Variants in CLSTN2 observed in about 807,000 individuals in gnomAD.
CLSTN2 encodes calsyntenin 2, also known as calsyntenin-2.
Under a neutral mutation model 101.2 loss-of-function variants are expected in CLSTN2, and 48 were observed. The ratio of observed to expected loss-of-function variants is 0.47; its 90% CI spans 0.38 to 0.60. The LOEUF is 0.60. CLSTN2 is among the 20% of genes least tolerant of loss of function. The pLI, the probability that CLSTN2 is intolerant of heterozygous loss-of-function variation, is 0.00. For synonymous variants in CLSTN2, 481 were observed against 463.6 expected (o/e 1.04, Z -0.48); for missense variants, 1,160 against 1,238.2 (o/e 0.94, Z 0.95).
chr3:140,291,396 C>A (rs1302616582), intron 2 of CLSTN2, among the ~76,000 whole-genome samples: 1 of 151,726 alleles, frequency 6.6e-6, no homozygotes, highest in East Asian at 2.0e-4. Context: ...GCTTCCCCTC[C>A]CCCCCCAACT....
intron 12 of CLSTN2, among the ~76,000 whole-genome samples, chr3:140,560,703 G>C (rs908384710): frequency 6.6e-6 from 1 of 152,276 alleles, no homozygotes; most frequent in East Asian, 1.9e-4. Flanking sequence ...CATGGTGAGA[G>C]AGAACCATGA....
At chr3:140,185,783 AG>A (rs903072804) in intron 2 of CLSTN2, among the ~76,000 whole-genome samples, 3 of 152,106 alleles carry the variant, frequency 2.0e-5, no homozygotes, top group Non-Finnish European at 2.9e-5. Context: ...CTGTCAGCAG[AG>A]GGAGGGGAGG....
chr3:140,383,209 A>T (rs944854511), intron 2 of CLSTN2, among the ~76,000 whole-genome samples: 11 of 152,194 alleles, frequency 7.2e-5, no homozygotes, highest in Non-Finnish European at 4.4e-5. Flanking sequence ...TGACCAGGAA[A>T]TAGATTGTTC....
intron 2 of CLSTN2, among the ~76,000 whole-genome samples, chr3:140,369,068 G>T (rs567713958): frequency 2.6e-4 from 40 of 152,242 alleles, no homozygotes; most frequent in African/African-American, 9.4e-4. Flanking sequence ...TTTAGGATGA[G>T]ACTTGCCAGC....
intron 9 of CLSTN2, among the ~76,000 whole-genome samples, chr3:140,544,192 C>A (rs751440454): frequency 2.0e-5 from 3 of 152,226 alleles, no homozygotes; most frequent in Non-Finnish European, 4.4e-5. Context: ...GTGTTGTTGA[C>A]AGGAATAAAT....
chr3:140,480,503 A>T (rs963890584), intron 8 of CLSTN2, among the ~76,000 whole-genome samples: 1 of 152,208 alleles, frequency 6.6e-6, no homozygotes, highest in African/African-American at 2.4e-5. Context: ...CTAGTTCTAG[A>T]TCCCTGAGGA....
At chr3:140,401,914 A>T (rs550488558) in intron 2 of CLSTN2, among the ~76,000 whole-genome samples, 17 of 152,276 alleles carry the variant, frequency 1.1e-4, no homozygotes, top group Admixed American at 3.3e-4. Flanking sequence ...ATGCCTAGTG[A>T]TCCCAAAAAA....
intron 8 of CLSTN2, among the ~76,000 whole-genome samples, chr3:140,527,001 C>G (rs998179424): frequency 2.6e-5 from 4 of 152,002 alleles, no homozygotes; most frequent in Non-Finnish European, 5.9e-5. Flanking sequence ...AACCTAAGAA[C>G]TACCCTTCTC....
chr3:139,956,050 C>T (rs1935388537), intron 1 of CLSTN2, among the ~76,000 whole-genome samples: 1 of 152,318 alleles, frequency 6.6e-6, no homozygotes, highest in East Asian at 1.9e-4. Flanking sequence ...CCTCATGCAT[C>T]AGACTACCTG....
intron 2 of CLSTN2, among the ~76,000 whole-genome samples, chr3:140,315,340 A>G (rs1326234063): frequency 6.6e-6 from 1 of 152,210 alleles, no homozygotes; most frequent in African/African-American, 2.4e-5. Flanking sequence ...TAATTGGGAA[A>G]GGTGTATGCC....
intron 1 of CLSTN2, 111 bp from the exon 2 acceptor site, chr3:140,175,840 A>C: frequency 9.7e-7 from 1 of 1,032,320 alleles, no homozygotes; most frequent in Non-Finnish European, 1.4e-6. Context: ...CTCTCATGGG[A>C]TTGTTGGATG....
In CLSTN2 at chr3:140,173,986, C is replaced by A. The variant is rs149391532; in HGVS notation, c.110-1965C>A. Reference sequence around the variant, plus strand: ...TCTTGGGGATTAACATTGGGCTTCTCGTTACTTATGAAAATTTCTACAATT... The same window carrying A: ...TCTTGGGGATTAACATTGGGCTTCTAGTTACTTATGAAAATTTCTACAATT... On this transcript the variant is annotated intron_variant, in intron 1 of 16. Transcript: ENST00000458420. Among the ~76,000 whole-genome samples, 47 of 152,310 alleles carry A rather than the reference C, an allele frequency of 3.1e-4. No individual in the cohort carries two copies. The South Asian group carries it at 4.1e-3, about 13-fold the overall frequency.
intron 4 of CLSTN2, among the ~76,000 whole-genome samples, chr3:140,417,789 A>G (rs1389275525): frequency 6.6e-6 from 1 of 152,226 alleles, no homozygotes; most frequent in Admixed American, 6.5e-5. Context: ...TTAAATGTGT[A>G]TCTTATTGAA....
intron 2 of CLSTN2, among the ~76,000 whole-genome samples, chr3:140,324,729 C>T (rs1024984982): frequency 6.6e-6 from 1 of 152,180 alleles, no homozygotes; most frequent in African/African-American, 2.4e-5. Flanking sequence ...CTTTCTATTC[C>T]ATCCAAATCA....
intron 8 of CLSTN2, among the ~76,000 whole-genome samples, chr3:140,526,609 A>C (rs1170811107): frequency 2.0e-5 from 3 of 150,082 alleles, no homozygotes; most frequent in Non-Finnish European, 4.4e-5. Context: ...AAAAAAAAAC[A>C]ACCACAGCAA....
chr3:140,130,290 T>G (rs1213350818), intron 1 of CLSTN2, among the ~76,000 whole-genome samples: 5 of 152,174 alleles, frequency 3.3e-5, no homozygotes, highest in African/African-American at 1.2e-4. Flanking sequence ...TGGCAAAAAT[T>G]ACAGTGCTCA....
chr3:140,439,982 C>G (rs2088741658), intron 5 of CLSTN2, among the ~76,000 whole-genome samples: 1 of 152,188 alleles, frequency 6.6e-6, no homozygotes, highest in Non-Finnish European at 1.5e-5. Flanking sequence ...TGTTGGGCAA[C>G]TTTTATGTGC....
At chr3:140,209,968 A>G (rs558715729) in intron 2 of CLSTN2, among the ~76,000 whole-genome samples, 1 of 152,314 alleles carries the variant, frequency 6.6e-6, no homozygotes, top group East Asian at 1.9e-4. Flanking sequence ...CCTTGCTCAT[A>G]TTTATTGGGC....
chr3:140,421,639 T>A (rs1224965686), intron 5 of CLSTN2, among the ~76,000 whole-genome samples: 1 of 152,126 alleles, frequency 6.6e-6, no homozygotes, highest in Non-Finnish European at 1.5e-5. Context: ...AAGTTTTGCA[T>A]CACGGATCAA....
Sources: allele counts gnomAD v4.1 joint callset (sites outside exome capture counted in the v4.1 genomes callset), GRCh38; gene constraint gnomAD v4.1.1; transcripts MANE v1.5; gene names NCBI Gene and HGNC (gene_info 2026-07-23, HGNC 2026-07-21).